Variants in MSRB3 observed in about 807,000 individuals in gnomAD.
The protein encoded by MSRB3 is methionine sulfoxide reductase B3.
A neutral mutation model predicts 21.0 loss-of-function variants in MSRB3; 13 were observed. That is an observed-to-expected ratio of 0.62 (90% CI 0.40 to 0.98). The LOEUF (loss-of-function observed/expected upper bound fraction) is 0.98, where lower values mean the gene tolerates loss of function less well. MSRB3 is among the 50% of genes least tolerant of loss of function. MSRB3 has a pLI of 0.00. For synonymous variants in MSRB3, 87 were observed against 88.6 expected (o/e 0.98, Z 0.10); for missense variants, 199 against 230.3 (o/e 0.86, Z 0.88).
At chr12:65,414,518 G>A (rs1168901698) in intron 5 of MSRB3, among the ~76,000 whole-genome samples, 1 of 152,190 alleles carries the variant, frequency 6.6e-6, no homozygotes, top group African/African-American at 2.4e-5. Flanking sequence ...ATTCAGTACA[G>A]CAACATGCCG....
intron 1 of MSRB3, among the ~76,000 whole-genome samples, chr12:65,280,339 C>G (rs1277416306): frequency 6.6e-6 from 1 of 152,164 alleles, no homozygotes; most frequent in African/African-American, 2.4e-5. Context: ...TTGGGAAATA[C>G]AACAGGTTCT....
intron 1 of MSRB3, among the ~76,000 whole-genome samples, chr12:65,307,851 T>C (rs769161890): frequency 1.6e-4 from 25 of 152,202 alleles, no homozygotes; most frequent in African/African-American, 6.0e-4. Context: ...CCATGCTTTA[T>C]TCGAACTTAA....
chr12:65,411,482 A>G (rs1331845988), intron 5 of MSRB3, among the ~76,000 whole-genome samples: 1 of 152,200 alleles, frequency 6.6e-6, no homozygotes, highest in African/African-American at 2.4e-5. Flanking sequence ...GTAGAAAGGA[A>G]TGTAAAATTT....
chr12:65,383,154 G>A (rs545446304), intron 5 of MSRB3, among the ~76,000 whole-genome samples: 39 of 152,062 alleles, frequency 2.6e-4, no homozygotes, highest in Admixed American at 3.9e-4. Context: ...AAATTTTAAC[G>A]TCAAAATGAA....
chr12:65,337,036 G>A (rs958134958), intron 4 of MSRB3, among the ~76,000 whole-genome samples: 9 of 152,116 alleles, frequency 5.9e-5, no homozygotes, highest in African/African-American at 2.2e-4. Context: ...GAGGTCAAGA[G>A]ATCAAGACCA....
intron 5 of MSRB3, among the ~76,000 whole-genome samples, chr12:65,402,155 C>T (rs551335208): frequency 6.6e-6 from 1 of 152,236 alleles, no homozygotes; most frequent in Admixed American, 6.5e-5. Flanking sequence ...TGAATGTTGG[C>T]CTGGCTTGCT....
At chr12:65,436,004 A>G (rs1882098017) in intron 5 of MSRB3, among the ~76,000 whole-genome samples, 1 of 151,846 alleles carries the variant, frequency 6.6e-6, no homozygotes, top group Admixed American at 6.6e-5. Flanking sequence ...ATTATATTCT[A>G]GGAAAAGTCA....
chr12:65,390,524 G>A (rs1879422781), intron 5 of MSRB3, among the ~76,000 whole-genome samples: 2 of 152,194 alleles, frequency 1.3e-5, no homozygotes, highest in Admixed American at 1.3e-4. Flanking sequence ...GGATTTAAGA[G>A]TATGGGGAGA....
intron 4 of MSRB3, among the ~76,000 whole-genome samples, chr12:65,343,871 A>C (rs1445055420): frequency 6.6e-6 from 1 of 152,050 alleles, no homozygotes; most frequent in African/African-American, 2.4e-5. Context: ...TAATTTTCTG[A>C]TAATGGCCAA....
At chr12:65,445,046 G>T (rs1168599713) in intron 5 of MSRB3, among the ~76,000 whole-genome samples, 1 of 151,976 alleles carries the variant, frequency 6.6e-6, no homozygotes, top group East Asian at 1.9e-4. Context: ...TTGTCTCCTA[G>T]ATCCACAAGA....
intron 4 of MSRB3, among the ~76,000 whole-genome samples, chr12:65,350,259 A>G (rs1876855732): frequency 6.6e-6 from 1 of 151,618 alleles, no homozygotes; most frequent in Non-Finnish European, 1.5e-5. Flanking sequence ...GTTCTGTTCC[A>G]TTGATCTATA....
chr12:65,308,118 A>C (rs1873764873), intron 1 of MSRB3, among the ~76,000 whole-genome samples: 1 of 152,188 alleles, frequency 6.6e-6, no homozygotes, highest in Non-Finnish European at 1.5e-5. Flanking sequence ...TTTGAGTCAC[A>C]GTTTCTTCAC....
intron 5 of MSRB3, among the ~76,000 whole-genome samples, chr12:65,428,467 CTAT>C (rs1486274863): frequency 6.6e-6 from 1 of 152,084 alleles, no homozygotes; most frequent in East Asian, 1.9e-4. Context: ...GGTTACATCC[CTAT>C]TATTCATTTA....
At chr12:65,433,197 G>A (rs1565889960) in intron 5 of MSRB3, among the ~76,000 whole-genome samples, 1 of 151,868 alleles carries the variant, frequency 6.6e-6, no homozygotes, top group Non-Finnish European at 1.5e-5. Context: ...ATTATTCATA[G>A]TAGCCAAAAG....
At chr12:65,460,097 A>G (rs1050109326) in intron 6 of MSRB3, among the ~76,000 whole-genome samples, 1 of 152,250 alleles carries the variant, frequency 6.6e-6, no homozygotes, top group Non-Finnish European at 1.5e-5. Flanking sequence ...AATGCACACT[A>G]AAGATTCTAT....
chr12:65,368,974 TA>T (rs1318627395), intron 4 of MSRB3, 23 bp from the exon 5 acceptor site: 5 of 1,343,204 alleles, frequency 3.7e-6, no homozygotes, highest in East Asian at 3.5e-5. Flanking sequence ...TTTTATATTG[TA>T]AAAACTTTCT....
intron 1 of MSRB3, among the ~76,000 whole-genome samples, chr12:65,287,830 T>TTGTGTA (rs1872461891): frequency 1.3e-5 from 2 of 152,160 alleles, no homozygotes; most frequent in African/African-American, 4.8e-5. Context: ...ATTTGCATCC[T>TTGTGTA]TGTGTATGTG....
At chr12:65,461,182 C>G (rs571397683) in intron 6 of MSRB3, among the ~76,000 whole-genome samples, 11 of 152,172 alleles carry the variant, frequency 7.2e-5, no homozygotes, top group Non-Finnish European at 1.5e-4. Flanking sequence ...TGCACACACA[C>G]TGGTCACTGA....
At chr12:65,327,442 A>AT in intron 3 of MSRB3, among the ~76,000 whole-genome samples, 1 of 152,342 alleles carries the variant, frequency 6.6e-6, no homozygotes, top group South Asian at 2.1e-4. Flanking sequence ...AATGTCAAAA[A>AT]TTTTCAATAA....
Sources: allele counts gnomAD v4.1 joint callset (sites outside exome capture counted in the v4.1 genomes callset), GRCh38; gene constraint gnomAD v4.1.1; transcripts MANE v1.5; gene names NCBI Gene and HGNC (gene_info 2026-07-23, HGNC 2026-07-21).